THSD7A: variants seen among roughly 807,000 people sequenced by gnomAD.
The protein encoded by THSD7A is thrombospondin type-1 domain-containing protein 7A.
THSD7A carries 96 observed loss-of-function variants against 231.3 expected under a neutral mutation model. That is an observed-to-expected ratio of 0.41 (90% CI 0.35 to 0.49). The LOEUF (loss-of-function observed/expected upper bound fraction) is 0.49, where lower values mean the gene tolerates loss of function less well. Among genes scored for constraint, THSD7A ranks in the 20% least tolerant of loss-of-function variants. The probability of loss-of-function intolerance (pLI) is 0.05; values close to 1 mark genes in which losing one functional copy is unlikely to be tolerated. For missense variants in THSD7A, 2,290 were observed against 2,070.2 expected (o/e 1.11, Z -2.06); for synonymous variants, 940 against 743.3 (o/e 1.26, Z -4.30).
At chr7:11,638,093 C>T (rs773343551) in intron 1 of THSD7A, among the ~76,000 whole-genome samples, 5 of 152,234 alleles carry the variant, frequency 3.3e-5, no homozygotes, top group South Asian at 2.1e-4. Flanking sequence ...TACTGTCGTC[C>T]TCCCTGATTG....
chr7:11,480,529 T>C (rs192485711), intron 7 of THSD7A, among the ~76,000 whole-genome samples: 136 of 152,314 alleles, frequency 8.9e-4, no homozygotes, highest in Non-Finnish European at 1.7e-3. Flanking sequence ...ACAAGAAATA[T>C]AATTTTCTTT....
chr7:11,426,661 C>A lies in THSD7A; in HGVS notation c.3249+5G>T. On this transcript the variant is annotated splice_donor_5th_base_variant and intron_variant, in intron 15 of 27. Coordinates refer to ENST00000423059, the MANE Select transcript of THSD7A (RefSeq NM_015204.3). Reference sequence around the variant, plus strand: ...TCAAAAAGCATGAGGTTTAAGAGTTCTTACCTGTGCCTGGAGTGGTGTTCA... The same window carrying A: ...TCAAAAAGCATGAGGTTTAAGAGTTATTACCTGTGCCTGGAGTGGTGTTCA... The A allele has an allele frequency of 6.4e-7, 1 of 1,560,004 alleles. No homozygotes were observed. Among genetic ancestry groups the A allele is most frequent in the South Asian group, 1.2e-5 (1 of 84,876 alleles).
At chr7:11,492,796 C>T (rs1391817461) in intron 6 of THSD7A, among the ~76,000 whole-genome samples, 4 of 151,978 alleles carry the variant, frequency 2.6e-5, no homozygotes, top group Non-Finnish European at 5.9e-5. Context: ...TCCAAAACTT[C>T]CCACTCTATC....
chr7:11,812,701 CTT>C (rs1012467513), intron 1 of THSD7A, among the ~76,000 whole-genome samples: 60 of 152,174 alleles, frequency 3.9e-4, no homozygotes, highest in African/African-American at 1.2e-3. Flanking sequence ...GAGACTTATT[CTT>C]CACATAACTG....
intron 4 of THSD7A, among the ~76,000 whole-genome samples, chr7:11,589,314 G>A (rs1307233092): frequency 1.3e-5 from 2 of 152,026 alleles, no homozygotes; most frequent in Non-Finnish European, 2.9e-5. Context: ...CTTTACTGGT[G>A]AGATTTACCC....
At chr7:11,445,726 A>T (rs953256408) in intron 13 of THSD7A, among the ~76,000 whole-genome samples, 1 of 151,956 alleles carries the variant, frequency 6.6e-6, no homozygotes, top group Non-Finnish European at 1.5e-5. Context: ...CTGTGCACAG[A>T]CTTGTTAGGG....
intron 19 of THSD7A, among the ~76,000 whole-genome samples, chr7:11,408,325 C>A (rs1783658234): frequency 6.6e-6 from 1 of 151,724 alleles, no homozygotes; most frequent in African/African-American, 2.4e-5. Context: ...CGAAACCTCA[C>A]CTCTACTAAA....
intron 2 of THSD7A, among the ~76,000 whole-genome samples, chr7:11,612,160 T>C (rs1780955663): frequency 6.6e-6 from 1 of 152,134 alleles, no homozygotes; most frequent in Admixed American, 6.5e-5. Flanking sequence ...GATGACCCCA[T>C]GCTGTTCTCC....
rs576214601 is a variant in THSD7A, at chr7:11,578,848, C to A, written c.1453+11612G>T. Among the ~76,000 whole-genome samples, 5 of 152,318 alleles carry A rather than the reference C, an allele frequency of 3.3e-5. No individual in the cohort carries two copies. The East Asian group carries it at 9.6e-4, about 29-fold the overall frequency. ...GGTGATGCTTAGCTTAGAGAGAGTT[C>A]TTGTGCATCCACAAATACAAAACAG... is the stretch of plus-strand genomic sequence containing the variant. On this transcript the variant is annotated intron_variant, in intron 4 of 27. Coordinates refer to ENST00000423059, the MANE Select transcript of THSD7A (RefSeq NM_015204.3).
intron 1 of THSD7A, among the ~76,000 whole-genome samples, chr7:11,682,299 G>A (rs1241534078): frequency 6.6e-6 from 1 of 152,060 alleles, no homozygotes; most frequent in East Asian, 1.9e-4. Flanking sequence ...CTACTTAGAA[G>A]ACGTAGAATG....
intron 4 of THSD7A, among the ~76,000 whole-genome samples, chr7:11,567,755 C>T (rs1387021787): frequency 6.6e-6 from 1 of 152,134 alleles, no homozygotes; most frequent in Admixed American, 6.5e-5. Flanking sequence ...GACCCTGTTA[C>T]CTCAACTTGG....
intron 17 of THSD7A, among the ~76,000 whole-genome samples, chr7:11,416,932 C>A (rs771687493): frequency 2.0e-5 from 3 of 152,170 alleles, no homozygotes; most frequent in Non-Finnish European, 4.4e-5. Flanking sequence ...TTCATTGGTG[C>A]ACAGCTTTCT....
At chr7:11,755,406 C>A (rs7802597) in intron 1 of THSD7A, among the ~76,000 whole-genome samples, 25,943 of 152,060 alleles carry the variant, frequency 0.17, 2,614 homozygotes, top group South Asian at 0.27. Context: ...GAACCCCATT[C>A]TGAAGTTGTC....
chr7:11,410,767 G>C (rs189342733), intron 19 of THSD7A, among the ~76,000 whole-genome samples: 4 of 152,004 alleles, frequency 2.6e-5, no homozygotes, highest in Non-Finnish European at 5.9e-5. Context: ...GATGGTCACA[G>C]CTGGGTATTA....
At chr7:11,560,258 A>G (rs1373573356) in intron 4 of THSD7A, among the ~76,000 whole-genome samples, 2 of 152,170 alleles carry the variant, frequency 1.3e-5, no homozygotes, top group Admixed American at 1.3e-4. Context: ...TAAGTCTGAG[A>G]AAGAGGAAAG....
chr7:11,530,309 G>C (rs750615162), intron 6 of THSD7A, among the ~76,000 whole-genome samples: 1 of 152,080 alleles, frequency 6.6e-6, no homozygotes, highest in Non-Finnish European at 1.5e-5. Context: ...TGCTTTATTC[G>C]ACATCTGGTA....
At chr7:11,438,950 G>A (rs73282902) in intron 13 of THSD7A, among the ~76,000 whole-genome samples, 8,868 of 151,842 alleles carry the variant, frequency 0.058, 355 homozygotes, top group Non-Finnish European at 0.092. Context: ...TAATATTTTG[G>A]CTGATATATT....
chr7:11,408,452 G>A (rs1783662624), intron 19 of THSD7A, among the ~76,000 whole-genome samples: 1 of 150,962 alleles, frequency 6.6e-6, no homozygotes, highest in African/African-American at 2.4e-5. Flanking sequence ...GAGCTGAGAT[G>A]GCACCACTGC....
rs553030554 is a variant in THSD7A at position 11,677,584 on chromosome 7, CAAAAAAAAA to C, written c.191-40632_191-40624del. Among the ~76,000 whole-genome samples, 20 of 22,276 alleles carry C rather than the reference CAAAAAAAAA, an allele frequency of 9.0e-4. 1 individual carries two copies. The highest frequency in any genetic ancestry group is 4.9e-3 in the African/African-American group (19 of 3,886). The allele number at this position is 22,276 out of a possible 152,430, so 14.6% of individuals were successfully genotyped here. On this transcript the variant is annotated intron_variant, in intron 1 of 27. Transcript: ENST00000423059. ...GAAGATTGACCAAGCAAATGGAAAG[CAAAAAAAAA>C]AAAAAAAAAAAAAAAAAAAAGCAGG...
Sources: allele counts gnomAD v4.1 joint callset (sites outside exome capture counted in the v4.1 genomes callset), GRCh38; gene constraint gnomAD v4.1.1; transcripts MANE v1.5; gene names NCBI Gene and HGNC (gene_info 2026-07-23, HGNC 2026-07-21).